The following ADGRG7 variants were observed in gnomAD, a reference collection of about 807,000 sequenced individuals.
The protein encoded by ADGRG7 is adhesion G protein-coupled receptor G7.
A neutral mutation model predicts 88.6 loss-of-function variants in ADGRG7; 82 were observed. That is an observed-to-expected ratio of 0.93 (90% CI 0.77 to 1.11). ADGRG7 has a LOEUF of 1.11. Ranked by LOEUF, ADGRG7 falls within the 50% of genes most tolerant of loss-of-function variation. The pLI, the probability that ADGRG7 is intolerant of heterozygous loss-of-function variation, is 0.00. For missense variants in ADGRG7, 945 were observed against 953.4 expected, an observed-to-expected ratio of 0.99 and a Z score of 0.12; for synonymous variants, 381 against 345.2, an observed-to-expected ratio of 1.10 and a Z score of -1.15.
In ADGRG7 at chr3:100,613,795, G is replaced by A. The variant is rs969312263; in HGVS notation, c.115+3824G>A. ...CTTGCTGTTCTTTGATGACACAAAC[G>A]TTGACGATCTAACATGGAATATAGT... On this transcript the variant is annotated intron_variant, in intron 1 of 15. Coordinates refer to ENST00000273352, the MANE Select transcript of ADGRG7 (RefSeq NM_032787.3). Among the ~76,000 whole-genome samples the A allele has an allele frequency of 6.6e-5, 10 of 152,152 alleles. No homozygotes were observed. The South Asian group carries it at 8.3e-4, about 13-fold the overall frequency.
chr3:100,649,651 C>T (rs1230303297), intron 10 of ADGRG7, 44 bp from the exon 11 acceptor site: 2 of 1,059,628 alleles, frequency 1.9e-6, no homozygotes, highest in Admixed American at 3.5e-5. Flanking sequence ...ATTAACACTT[C>T]AGGGATGACT....
At chr3:100,659,440 A>C (rs2094942092) in intron 13 of ADGRG7, among the ~76,000 whole-genome samples, 1 of 19,748 alleles carries the variant, frequency 5.1e-5, no homozygotes, top group African/African-American at 9.2e-5. Flanking sequence ...ACTCAGTCTC[A>C]AAAAAAAAAA....
chr3:100,682,940 G>C (rs1056839930), intron 15 of ADGRG7, among the ~76,000 whole-genome samples: 1 of 152,184 alleles, frequency 6.6e-6, no homozygotes, highest in Non-Finnish European at 1.5e-5. Flanking sequence ...AATAGAGGCA[G>C]GAGGCAGACA....
chr3:100,629,793 C>T, intron 2 of ADGRG7, 82 bp downstream of exon 2: 1 of 890,304 alleles, frequency 1.1e-6, no homozygotes, highest in Non-Finnish European at 1.8e-6. Context: ...CTTCTAGAAG[C>T]TTCAGTTAAT....
At chr3:100,665,935 T>G (rs2149033586) in intron 14 of ADGRG7, among the ~76,000 whole-genome samples, 1 of 152,320 alleles carries the variant, frequency 6.6e-6, no homozygotes. Context: ...CATAACAAAT[T>G]GCCCCAAAAC....
At chr3:100,664,374 C>T (rs2094949299) in intron 14 of ADGRG7, among the ~76,000 whole-genome samples, 2 of 152,128 alleles carry the variant, frequency 1.3e-5, no homozygotes, top group South Asian at 4.1e-4. Flanking sequence ...TTGATTATTA[C>T]AACCCACCAA....
chr3:100,658,472 C>A (rs2094940513), intron 13 of ADGRG7, among the ~76,000 whole-genome samples: 1 of 152,188 alleles, frequency 6.6e-6, no homozygotes, highest in African/African-American at 2.4e-5. Context: ...AGGGTACAAG[C>A]AATCACCCAC....
chr3:100,622,452 G>A (rs982000034), intron 1 of ADGRG7, among the ~76,000 whole-genome samples: 3 of 152,052 alleles, frequency 2.0e-5, no homozygotes, highest in African/African-American at 7.2e-5. Flanking sequence ...CTAGTGGGAT[G>A]TGAAATGATA....
At chr3:100,621,272 AG>A (rs1200346726) in intron 1 of ADGRG7, among the ~76,000 whole-genome samples, 1 of 152,182 alleles carries the variant, frequency 6.6e-6, no homozygotes, top group African/African-American at 2.4e-5. Flanking sequence ...TGGAATCAAA[AG>A]CTAGAAATGA....
chr3:100,694,861 C>G lies in ADGRG7; in HGVS notation c.2254C>G (p.Arg752Gly), dbSNP rs550809239. ...GRRKSLPSVT[R>G]PRLRVKMYNF... The stretch of plus-strand genomic sequence containing the variant: ...AAGGAAGTCATTGCCTTCAGTGACG[C>G]GGCCGAGGCTGCGTGTAAAGATGTA... Residue 752 changes from arginine to glycine, a missense_variant, in exon 16 of 16, where the codon CGG becomes GGG. Coordinates refer to ENST00000273352, the MANE Select transcript of ADGRG7 (RefSeq NM_032787.3). 6.2e-7 allele frequency: 1 copy of G among 1,614,026 alleles called. No individual in the cohort carries two copies. The highest frequency in any genetic ancestry group is 8.5e-7 in the Non-Finnish European group (1 of 1,180,036).
In ADGRG7 at chr3:100,637,345, C is replaced by T. The variant is rs765780727; in HGVS notation, c.641C>T (p.Ala214Val). The T allele has an allele frequency of 6.2e-7, 1 of 1,613,788 alleles. No homozygotes were observed. Among genetic ancestry groups the T allele is most frequent in the Non-Finnish European group, 8.5e-7 (1 of 1,179,794 alleles). Residue 214 changes from alanine to valine, a missense_variant, in exon 6 of 16, where the codon GCC (alanine) becomes GTC (valine). Ala to Val is a moderately conservative substitution (Grantham distance 64, BLOSUM62 0). Coordinates refer to ENST00000273352, the MANE Select transcript of ADGRG7 (RefSeq NM_032787.3). ...AIVTVSQLLD[A>V]SEDAFQRVAA... ...GTAACAGTGAGTCAACTCCTAGATG[C>T]CAGTGAAGATGCTTTTCAAAGAGTT...
rs183444781 is a variant in ADGRG7, at chr3:100,694,642, G to T, written c.2137-102G>T. Reference sequence around the variant, plus strand: ...ACTGGCAAATTCAAGTTGGGGAAGTGCCGTGCAGATGAGAAGGTTGGGTGG... The same window carrying T: ...ACTGGCAAATTCAAGTTGGGGAAGTTCCGTGCAGATGAGAAGGTTGGGTGG... On this transcript the variant is annotated intron_variant, in intron 15 of 15. Transcript: ENST00000273352. 6 of 1,099,820 alleles carry T rather than the reference G, an allele frequency of 5.5e-6. No homozygotes were observed. The Admixed American group carries it at 1.4e-4, about 26-fold the overall frequency. The allele number at this position is 1,099,820 out of a possible 1,614,324, so 68.1% of individuals were successfully genotyped here.
intron 15 of ADGRG7, among the ~76,000 whole-genome samples, chr3:100,676,909 A>G (rs746727043): frequency 5.9e-5 from 9 of 151,888 alleles, no homozygotes; most frequent in Non-Finnish European, 1.2e-4. Flanking sequence ...TTTTCTAAGT[A>G]GAGCTACTTC....
At chr3:100,628,366 T>A (rs990865536) in intron 1 of ADGRG7, among the ~76,000 whole-genome samples, 13 of 129,842 alleles carry the variant, frequency 1.0e-4, no homozygotes, top group African/African-American at 3.9e-4. Flanking sequence ...CTGCCACTTG[T>A]TTTTTTTGTT....
intron 6 of ADGRG7, among the ~76,000 whole-genome samples, chr3:100,639,641 C>T (rs1707605609): frequency 6.6e-6 from 1 of 152,096 alleles, no homozygotes. Context: ...GAGTGGGCTC[C>T]CTTCAGAGAT....
chr3:100,645,056 A>G (rs1024955434), intron 8 of ADGRG7, among the ~76,000 whole-genome samples: 1 of 152,184 alleles, frequency 6.6e-6, no homozygotes, highest in African/African-American at 2.4e-5. Flanking sequence ...AAATCAGATG[A>G]CTGAATACTC....
At chr3:100,612,027 T>C (rs1707161578) in intron 1 of ADGRG7, among the ~76,000 whole-genome samples, 1 of 152,178 alleles carries the variant, frequency 6.6e-6, no homozygotes. Context: ...ATGAAAGCTA[T>C]AAATGTCTTA....
chr3:100,665,731 G>A (rs542704847), intron 14 of ADGRG7, among the ~76,000 whole-genome samples: 1 of 152,158 alleles, frequency 6.6e-6, no homozygotes. Context: ...CTTGGTAAAG[G>A]CTTCTTTGCC....
rs1707529611 is a variant in ADGRG7 at position 100,635,770 on chromosome 3, A to G, written c.541A>G (p.Ser181Gly). The change falls in exon 5 of 16, where the codon AGT becomes GGT. Residue 181 changes from serine to glycine, a missense_variant. Ser to Gly is a moderately conservative substitution (Grantham distance 56, BLOSUM62 0). Transcript: ENST00000273352. ...TAAATTAACTGCTGAGAACATCACT[A>G]GTGCTACGCGAGTGGTTGGACAGAT... ...ANKLTAENIT[S>G]ATRVVGQIFN... is the part of the protein sequence containing the mutation. The G allele has an allele frequency of 6.2e-7, 1 of 1,613,862 alleles. No individual in the cohort carries two copies. The highest frequency in any genetic ancestry group is 1.3e-5 in the African/African-American group (1 of 74,936).
Sources: allele counts gnomAD v4.1 joint callset (sites outside exome capture counted in the v4.1 genomes callset), GRCh38; gene constraint gnomAD v4.1.1; transcripts MANE v1.5; gene names NCBI Gene and HGNC (gene_info 2026-07-23, HGNC 2026-07-21).